The following RBFOX1 variants were observed in gnomAD, a reference collection of about 807,000 sequenced individuals.
RBFOX1 encodes the protein RNA binding fox-1 homolog 1, also known as RNA binding protein fox-1 homolog 1.
In RBFOX1, 8 loss-of-function variants were observed where a neutral mutation model predicts 57.7. The observed-to-expected ratio is 0.14, with a 90% CI of 0.08 to 0.25. The LOEUF is 0.25. Ranked by LOEUF, RBFOX1 falls within the 10% of genes least tolerant of loss-of-function variation. The pLI is 1.00. For synonymous variants in RBFOX1, 326 were observed against 222.4 expected (o/e 1.47, Z -4.15); for missense variants, 611 against 548.5 (o/e 1.11, Z -1.14).
At chr16:5,629,681 T>C (rs1053902071) in intron 3 of RBFOX1, among the ~76,000 whole-genome samples, 2 of 152,244 alleles carry the variant, frequency 1.3e-5, no homozygotes, top group African/African-American at 4.8e-5. Context: ...TGGCTTTTTA[T>C]GTGCTTACCT....
At chr16:5,327,168 C>G (rs1011845419) in intron 1 of RBFOX1, among the ~76,000 whole-genome samples, 2 of 152,180 alleles carry the variant, frequency 1.3e-5, no homozygotes, top group Non-Finnish European at 2.9e-5. Context: ...AGGTTTTCAC[C>G]TGGAGATTCC....
chr16:5,706,121 G>C (rs866268883), intron 3 of RBFOX1, among the ~76,000 whole-genome samples: 3 of 152,204 alleles, frequency 2.0e-5, no homozygotes, highest in Non-Finnish European at 4.4e-5. Context: ...ATGTTGGCCA[G>C]GATGGTCTTG....
chr16:5,750,310 G>A (rs1189926148), intron 3 of RBFOX1, among the ~76,000 whole-genome samples: 1 of 152,180 alleles, frequency 6.6e-6, no homozygotes, highest in African/African-American at 2.4e-5. Context: ...GCTACTCGGG[G>A]GTCAGGAACG....
rs59296305 is a variant in RBFOX1, at chr16:7,000,848, C to A, written c.-15-51209C>A. ...CGATCTCCTGACCTTGTGATCCGCCCGCCTCGGCCTCCCAAAGTGCTGGGA... is the reference window on the plus strand; with the variant it reads ...CGATCTCCTGACCTTGTGATCCGCCAGCCTCGGCCTCCCAAAGTGCTGGGA... On this transcript the variant is annotated intron_variant, in intron 3 of 15. Coordinates refer to ENST00000550418, the MANE Select transcript of RBFOX1 (RefSeq NM_018723.4). Among the ~76,000 whole-genome samples, 5 of 152,066 alleles carry A rather than the reference C, an allele frequency of 3.3e-5. No homozygotes were observed. The South Asian group carries it at 1.0e-3, about 32-fold the overall frequency.
chr16:6,093,444 T>C (rs1029224139), intron 1 of RBFOX1, among the ~76,000 whole-genome samples: 1 of 152,104 alleles, frequency 6.6e-6, no homozygotes, highest in African/African-American at 2.4e-5. Flanking sequence ...TATATAATCA[T>C]GCTTAGAGTA....
intron 4 of RBFOX1, among the ~76,000 whole-genome samples, chr16:7,179,103 G>C (rs763219671): frequency 4.0e-5 from 6 of 151,844 alleles, no homozygotes; most frequent in Non-Finnish European, 8.8e-5. Context: ...ACTTCGTTTT[G>C]GTCAGATCCC....
chr16:5,252,855 C>A (rs1166220994), intron 1 of RBFOX1, among the ~76,000 whole-genome samples: 1 of 152,224 alleles, frequency 6.6e-6, no homozygotes. Context: ...TCCAGAAAAC[C>A]CAGGCAACAG....
intron 2 of RBFOX1, among the ~76,000 whole-genome samples, chr16:6,555,645 A>G (rs1026753460): frequency 2.0e-5 from 3 of 152,142 alleles, no homozygotes; most frequent in African/African-American, 7.2e-5. Context: ...GCTTGCCGTG[A>G]GCCAAGATCA....
intron 3 of RBFOX1, among the ~76,000 whole-genome samples, chr16:6,844,188 C>A (rs1225265739): frequency 6.8e-6 from 1 of 147,100 alleles, no homozygotes; most frequent in Non-Finnish European, 1.5e-5. Context: ...GAGGAATCTT[C>A]TTTTTTTTTT....
At chr16:6,673,007 A>G (rs1670296973) in intron 3 of RBFOX1, among the ~76,000 whole-genome samples, 1 of 152,186 alleles carries the variant, frequency 6.6e-6, no homozygotes, top group Admixed American at 6.5e-5. Flanking sequence ...TGCAATGCTA[A>G]CAATATGGAA....
At chr16:7,333,201 G>C (rs563453207) in intron 4 of RBFOX1, 1 of 946,538 alleles carries the variant, frequency 1.1e-6, no homozygotes, top group Non-Finnish European at 1.7e-6. Context: ...AAGCCCTCGC[G>C]TAGTCAGTGA....
At chr16:6,186,810 A>G (rs543265205) in intron 1 of RBFOX1, among the ~76,000 whole-genome samples, 16 of 152,286 alleles carry the variant, frequency 1.1e-4, no homozygotes, top group African/African-American at 1.7e-4. Flanking sequence ...GAAGAGGTCA[A>G]TCCTCCATGT....
chr16:5,907,751 C>CATCATCATCATT (rs1432960610), intron 4 of RBFOX1, among the ~76,000 whole-genome samples: 6 of 149,862 alleles, frequency 4.0e-5, no homozygotes, highest in African/African-American at 1.0e-4. Flanking sequence ...TCATCATCAT[C>CATCATCATCATT]ATCATCATCA....
At chr16:6,550,623 G>A (rs374965721) in intron 2 of RBFOX1, among the ~76,000 whole-genome samples, 4 of 152,188 alleles carry the variant, frequency 2.6e-5, no homozygotes, top group African/African-American at 4.8e-5. Context: ...ACTGTGCCCA[G>A]CCTTCATGGC....
intron 4 of RBFOX1, among the ~76,000 whole-genome samples, chr16:7,213,334 A>G (rs116341882): frequency 0.027 from 4,120 of 152,236 alleles, 179 homozygotes; most frequent in African/African-American, 0.094. Context: ...GCCCAAACCA[A>G]TTAAAGATAA....
At chr16:5,492,927 C>T (rs1052282176) in intron 2 of RBFOX1, among the ~76,000 whole-genome samples, 4 of 152,162 alleles carry the variant, frequency 2.6e-5, no homozygotes, top group African/African-American at 9.7e-5. Context: ...GAATCCTGTT[C>T]ACTTCTTTTG....
intron 4 of RBFOX1, among the ~76,000 whole-genome samples, chr16:7,182,133 A>G (rs1287297229): frequency 4.6e-5 from 7 of 152,210 alleles, no homozygotes; most frequent in African/African-American, 1.7e-4. Context: ...TAGTTGTCTC[A>G]TAAAATGAAA....
At chr16:7,532,716 A>T (rs1159336632) in intron 5 of RBFOX1, among the ~76,000 whole-genome samples, 2 of 152,214 alleles carry the variant, frequency 1.3e-5, no homozygotes, top group Non-Finnish European at 2.9e-5. Context: ...GTTTTTGTCA[A>T]TAAAGTTTTA....
chr16:5,406,617 C>T (rs1361409276), intron 1 of RBFOX1, among the ~76,000 whole-genome samples: 3 of 152,098 alleles, frequency 2.0e-5, no homozygotes, highest in Non-Finnish European at 2.9e-5. Context: ...TATTCACACA[C>T]ACGTGTATAT....
Sources: allele counts gnomAD v4.1 joint callset (sites outside exome capture counted in the v4.1 genomes callset), GRCh38; gene constraint gnomAD v4.1.1; transcripts MANE v1.5; gene names NCBI Gene and HGNC (gene_info 2026-07-23, HGNC 2026-07-21).